The following MICAL2 variants were observed in gnomAD, a reference collection of about 807,000 sequenced individuals.
MICAL2 encodes microtubule associated monooxygenase, calponin and LIM domain containing 2, also known as [F-actin]-monooxygenase MICAL2.
Under a neutral mutation model 127.3 loss-of-function variants are expected in MICAL2, and 77 were observed. The ratio of observed to expected loss-of-function variants is 0.60; its 90% CI spans 0.50 to 0.73. The LOEUF (loss-of-function observed/expected upper bound fraction) is 0.73, where lower values mean the gene tolerates loss of function less well. MICAL2 is among the 30% of genes least tolerant of loss of function. The probability of loss-of-function intolerance (pLI) is 0.00; values close to 1 mark genes in which losing one functional copy is unlikely to be tolerated. For missense variants in MICAL2, 1,351 were observed against 1,434.4 expected, an observed-to-expected ratio of 0.94 and a Z score of 0.94; for synonymous variants, 570 against 551.1, an observed-to-expected ratio of 1.03 and a Z score of -0.48.
chr11:12,312,422 T>C (rs1864184643), intron 29 of MICAL2, among the ~76,000 whole-genome samples: 1 of 152,092 alleles, frequency 6.6e-6, no homozygotes, highest in African/African-American at 2.4e-5. Flanking sequence ...TCCCAGTCAT[T>C]CTGTTATGAC....
At chr11:12,261,973 T>C in intron 26 of MICAL2, 1 of 992,866 alleles carries the variant, frequency 1.0e-6, no homozygotes, top group South Asian at 4.5e-5. Flanking sequence ...TAGGCTGAGA[T>C]GCTTTGTGGA....
At chr11:12,309,377 T>C (rs573033836) in intron 29 of MICAL2, among the ~76,000 whole-genome samples, 40 of 152,284 alleles carry the variant, frequency 2.6e-4, no homozygotes, top group Admixed American at 9.2e-4. Flanking sequence ...CTACTCTATC[T>C]CCATGAGATC....
downstream of MICAL2, chr11:12,292,359 C>A (rs1038710136): frequency 6.4e-7 from 1 of 1,551,234 alleles, no homozygotes; most frequent in Non-Finnish European, 8.9e-7. Flanking sequence ...ACTCTTCCCA[C>A]CTTCCACACT....
intron 2 of MICAL2, among the ~76,000 whole-genome samples, chr11:12,141,712 C>T (rs1001075303): frequency 1.3e-5 from 2 of 152,124 alleles, no homozygotes; most frequent in Admixed American, 6.6e-5. Flanking sequence ...CTGGATTGTA[C>T]TGAATTTTTG....
At chr11:12,344,276 A>G (rs1394883525) in intron 32 of MICAL2, among the ~76,000 whole-genome samples, 1 of 152,120 alleles carries the variant, frequency 6.6e-6, no homozygotes, top group Non-Finnish European at 1.5e-5. Context: ...AGCCTGGGTG[A>G]CAGGGTGAGA....
chr11:12,346,014 T>A (rs1201723253), intron 32 of MICAL2, among the ~76,000 whole-genome samples: 2 of 152,222 alleles, frequency 1.3e-5, no homozygotes, highest in Admixed American at 6.5e-5. Context: ...ATATACTTAC[T>A]GTTTTCCATC....
intron 3 of MICAL2, among the ~76,000 whole-genome samples, chr11:12,185,247 G>A (rs562226277): frequency 7.4e-4 from 112 of 151,578 alleles, no homozygotes; most frequent in African/African-American, 2.7e-3. Context: ...GTAAGTAGAT[G>A]GGTGGATGAA....
chr11:12,243,957 C>T, intron 20 of MICAL2, 30 bp from the exon 21 acceptor site: 1 of 1,612,458 alleles, frequency 6.2e-7, no homozygotes, highest in Non-Finnish European at 8.5e-7. Flanking sequence ...CTGGGATAAT[C>T]CTTGTTTCTT....
At chr11:12,150,563 G>A (rs1853463278) in intron 2 of MICAL2, among the ~76,000 whole-genome samples, 1 of 152,182 alleles carries the variant, frequency 6.6e-6, no homozygotes, top group South Asian at 2.1e-4. Flanking sequence ...TCCAGGTGTG[G>A]TACCATGCAC....
rs1396755941 is a variant in MICAL2 at position 12,243,998 on chromosome 11, C to T, written c.2670C>T (p.Leu890=). 2.5e-6 allele frequency: 4 copies of T among 1,613,952 alleles called. No individual in the cohort carries two copies. The highest frequency in any genetic ancestry group is 2.7e-5 in the African/African-American group (2 of 75,044). Residue 890 remains leucine (L), a synonymous_variant, in exon 21 of 28, where the codon CTC becomes CTT. Transcript: ENST00000683283. ...GHGDFPQNKL[L]SKGLSHTHPP... ...TCTGTTCTGTGCAGAATAAACTACT[C>T]TCTAAAGGCCTGTCTCATACTCATC...
intron 3 of MICAL2, among the ~76,000 whole-genome samples, chr11:12,171,515 G>A (rs577460397): frequency 3.1e-4 from 47 of 152,318 alleles, no homozygotes; most frequent in African/African-American, 1.1e-3. Flanking sequence ...TGATGTGAAT[G>A]TATCTGTCTA....
intron 8 of MICAL2, among the ~76,000 whole-genome samples, chr11:12,219,076 A>G (rs1243716565): frequency 1.3e-5 from 2 of 152,172 alleles, no homozygotes; most frequent in Non-Finnish European, 2.9e-5. Flanking sequence ...CTGAAAAGTT[A>G]AATAACTGGC....
intron 3 of MICAL2, among the ~76,000 whole-genome samples, chr11:12,168,114 C>T (rs1013790127): frequency 1.0e-4 from 15 of 149,174 alleles, no homozygotes; most frequent in Admixed American, 2.0e-4. Context: ...CCAAATTGGG[C>T]GACATAGTGA....
intron 30 of MICAL2, chr11:12,319,856 C>A: frequency 6.9e-7 from 1 of 1,440,718 alleles, no homozygotes; most frequent in Non-Finnish European, 9.8e-7. Flanking sequence ...CTGGTGGGGG[C>A]TGCTTACCAT....
chr11:12,207,894 C>G, intron 4 of MICAL2, 129 bp from the exon 5 acceptor site: 3 of 725,952 alleles, frequency 4.1e-6, no homozygotes, highest in Non-Finnish European at 7.4e-6. Context: ...TAATCCCGCT[C>G]AGTAATGATC....
At chr11:12,162,736 A>G (rs1478833111) in intron 3 of MICAL2, among the ~76,000 whole-genome samples, 2 of 152,166 alleles carry the variant, frequency 1.3e-5, no homozygotes, top group South Asian at 2.1e-4. Flanking sequence ...CTATTTGTTG[A>G]GCAGCTTCTA....
At chr11:12,218,644 A>C (rs1024364099) in intron 8 of MICAL2, among the ~76,000 whole-genome samples, 4 of 152,332 alleles carry the variant, frequency 2.6e-5, no homozygotes, top group Admixed American at 1.3e-4. Flanking sequence ...CAGGGATCAG[A>C]AAGGAAATCA....
At chr11:12,155,883 C>G (rs192023988) in intron 2 of MICAL2, among the ~76,000 whole-genome samples, 5 of 152,248 alleles carry the variant, frequency 3.3e-5, no homozygotes, top group Admixed American at 6.5e-5. Context: ...GGACGGGAGG[C>G]CTGGAGGGTG....
intron 22 of MICAL2, among the ~76,000 whole-genome samples, chr11:12,251,357 A>G (rs899223858): frequency 6.6e-6 from 1 of 152,072 alleles, no homozygotes; most frequent in African/African-American, 2.4e-5. Flanking sequence ...ATAACCCTTG[A>G]TGCCCAGGGC....
Sources: allele counts gnomAD v4.1 joint callset (sites outside exome capture counted in the v4.1 genomes callset), GRCh38; gene constraint gnomAD v4.1.1; transcripts MANE v1.5; gene names NCBI Gene and HGNC (gene_info 2026-07-23, HGNC 2026-07-21).